The following TSPAN9 variants were observed in gnomAD, a reference collection of about 807,000 sequenced individuals.
TSPAN9 encodes the protein tetraspanin-9.
TSPAN9 carries 16 observed loss-of-function variants against 31.0 expected under a neutral mutation model. That is an observed-to-expected ratio of 0.52 (90% confidence interval 0.35 to 0.78). The LOEUF is 0.78. Among genes scored for constraint, TSPAN9 ranks in the 30% least tolerant of loss-of-function variants. The pLI, the probability that TSPAN9 is intolerant of heterozygous loss-of-function variation, is 0.01. For missense variants in TSPAN9, 272 were observed against 312.5 expected, an observed-to-expected ratio of 0.87 and a Z score of 0.98; for synonymous variants, 145 against 121.6, an observed-to-expected ratio of 1.19 and a Z score of -1.27.
chr12:3,114,534 A>G (rs960415997), intron 2 of TSPAN9, among the ~76,000 whole-genome samples: 67 of 152,170 alleles, frequency 4.4e-4, no homozygotes, highest in African/African-American at 1.2e-3. Context: ...CATTAACACC[A>G]TAATCGCTCT....
intron 2 of TSPAN9, among the ~76,000 whole-genome samples, chr12:3,164,845 G>A (rs2098347449): frequency 6.6e-6 from 1 of 152,226 alleles, no homozygotes; most frequent in South Asian, 2.1e-4. Context: ...AGAGTAAAGA[G>A]CATTAGGGTG....
chr12:3,232,539 A>G (rs1466536146), intron 3 of TSPAN9, among the ~76,000 whole-genome samples: 1 of 152,192 alleles, frequency 6.6e-6, no homozygotes, highest in Non-Finnish European at 1.5e-5. Flanking sequence ...AACTTAGAGG[A>G]CATTAAATCG....
intron 2 of TSPAN9, among the ~76,000 whole-genome samples, chr12:3,148,908 T>C (rs961593167): frequency 6.6e-6 from 1 of 152,132 alleles, no homozygotes; most frequent in Admixed American, 6.5e-5. Flanking sequence ...AGGGGGCCTC[T>C]CGGGCGTGCC....
At chr12:3,160,381 C>A (rs1485210882) in intron 2 of TSPAN9, among the ~76,000 whole-genome samples, 1 of 152,054 alleles carries the variant, frequency 6.6e-6, no homozygotes, top group African/African-American at 2.4e-5. Flanking sequence ...AGTTTTTTGG[C>A]TATTTTGAAT....
intron 2 of TSPAN9, among the ~76,000 whole-genome samples, chr12:3,138,757 G>A (rs989132033): frequency 6.6e-6 from 1 of 152,130 alleles, no homozygotes; most frequent in Non-Finnish European, 1.5e-5. Context: ...GCCTCCCAAA[G>A]TGAGCCATCG....
At chr12:3,251,800 G>T (rs1028974502) in intron 3 of TSPAN9, among the ~76,000 whole-genome samples, 1 of 152,194 alleles carries the variant, frequency 6.6e-6, no homozygotes, top group Non-Finnish European at 1.5e-5. Context: ...TGAGCTCAGA[G>T]CTGGGATAGG....
At chr12:3,228,402 T>C (rs902014386) in intron 3 of TSPAN9, among the ~76,000 whole-genome samples, 2 of 152,228 alleles carry the variant, frequency 1.3e-5, no homozygotes, top group African/African-American at 4.8e-5. Context: ...CACATCCTGC[T>C]TTTCAGTCCC....
At chr12:3,118,161 A>G (rs911184525) in intron 2 of TSPAN9, among the ~76,000 whole-genome samples, 6 of 139,626 alleles carry the variant, frequency 4.3e-5, no homozygotes, top group Non-Finnish European at 9.3e-5. Flanking sequence ...AGCATGTAGA[A>G]CCCCCCCGGC....
chr12:3,219,547 C>G (rs753393160), intron 3 of TSPAN9, among the ~76,000 whole-genome samples: 36 of 152,150 alleles, frequency 2.4e-4, no homozygotes, highest in Non-Finnish European at 5.3e-4. Flanking sequence ...ACAGGCAGCT[C>G]TCTCAAATGG....
chr12:3,265,970 G>A (rs1415759213), intron 3 of TSPAN9, among the ~76,000 whole-genome samples: 2 of 152,180 alleles, frequency 1.3e-5, no homozygotes. Flanking sequence ...GTGGGACTCA[G>A]TTCTTGGTGT....
At chr12:3,098,330 G>T (rs923387037) in intron 2 of TSPAN9, among the ~76,000 whole-genome samples, 3 of 152,174 alleles carry the variant, frequency 2.0e-5, no homozygotes, top group Admixed American at 6.5e-5. Flanking sequence ...TCTACCCTTG[G>T]ACCCATCTCA....
At chr12:3,163,245 C>G (rs73249028) in intron 2 of TSPAN9, among the ~76,000 whole-genome samples, 4,256 of 152,314 alleles carry the variant, frequency 0.028, 205 homozygotes, top group African/African-American at 0.097. Flanking sequence ...TTTTCAGAAG[C>G]CTGCCAACTG....
intron 2 of TSPAN9, among the ~76,000 whole-genome samples, chr12:3,167,684 T>A (rs1260449200): frequency 1.3e-5 from 2 of 152,208 alleles, no homozygotes; most frequent in African/African-American, 4.8e-5. Flanking sequence ...TCCAGGCAAC[T>A]GCTGCCTAAG....
chr12:3,258,194 G>A (rs1263953853), intron 3 of TSPAN9, among the ~76,000 whole-genome samples: 2 of 152,168 alleles, frequency 1.3e-5, no homozygotes, highest in African/African-American at 2.4e-5. Flanking sequence ...AGAGGTGCAG[G>A]GATGGCTTTG....
chr12:3,088,330 GTGC>G (rs1386331110), intron 2 of TSPAN9, among the ~76,000 whole-genome samples: 1 of 152,360 alleles, frequency 6.6e-6, no homozygotes, highest in East Asian at 1.9e-4. Flanking sequence ...ACCATTTTGA[GTGC>G]TGTCTGCAGC....
chr12:3,113,752 C>G (rs969824269), intron 2 of TSPAN9, among the ~76,000 whole-genome samples: 18 of 152,336 alleles, frequency 1.2e-4, no homozygotes, highest in African/African-American at 4.3e-4. Flanking sequence ...CTGCCCTTCA[C>G]TCTGCCCTGC....
intron 1 of TSPAN9, among the ~76,000 whole-genome samples, chr12:3,079,253 A>G (rs1052144474): frequency 2.6e-5 from 4 of 152,178 alleles, no homozygotes; most frequent in African/African-American, 9.7e-5. Context: ...TGCTGGGATT[A>G]TAGGCGTGAG....
At chr12:3,140,657 G>A (rs1407554434) in intron 2 of TSPAN9, among the ~76,000 whole-genome samples, 1 of 152,110 alleles carries the variant, frequency 6.6e-6, no homozygotes, top group Non-Finnish European at 1.5e-5. Flanking sequence ...TGGGGGAATT[G>A]GAATGAGGAA....
intron 2 of TSPAN9, among the ~76,000 whole-genome samples, chr12:3,154,337 C>T (rs988942765): frequency 2.6e-5 from 4 of 152,124 alleles, no homozygotes; most frequent in East Asian, 1.9e-4. Flanking sequence ...CTTCGAAGCC[C>T]GCTGGCCTGG....
Sources: allele counts gnomAD v4.1 joint callset (sites outside exome capture counted in the v4.1 genomes callset), GRCh38; gene constraint gnomAD v4.1.1; transcripts MANE v1.5; gene names NCBI Gene and HGNC (gene_info 2026-07-23, HGNC 2026-07-21).